The following BORA variants were observed in gnomAD, a reference collection of about 807,000 sequenced individuals.
BORA encodes the protein BORA aurora kinase A activator.
BORA carries 26 observed loss-of-function variants against 55.8 expected under a neutral mutation model. The observed-to-expected ratio is 0.47, with a 90% confidence interval of 0.34 to 0.65. The LOEUF (loss-of-function observed/expected upper bound fraction) is 0.65. BORA is among the 30% of genes least tolerant of loss of function. BORA has a pLI of 0.01. For missense variants in BORA, 568 were observed against 671.5 expected, an observed-to-expected ratio of 0.85 and a Z score of 1.70; for synonymous variants, 201 against 216.9, an observed-to-expected ratio of 0.93 and a Z score of 0.64.
chr13:72,735,102 C>A, intron 4 of BORA, 97 bp downstream of exon 4: 3 of 934,714 alleles, frequency 3.2e-6, no homozygotes, highest in Non-Finnish European at 5.1e-6. Flanking sequence ...CCTTCACTGT[C>A]CTATCTCCCC....
chr13:72,734,148 C>T (rs947016831), intron 3 of BORA, among the ~76,000 whole-genome samples: 2 of 152,022 alleles, frequency 1.3e-5, no homozygotes, highest in African/African-American at 4.8e-5. Flanking sequence ...ACCCCAGTGA[C>T]ACAAGTTACC....
intron 3 of BORA, 28 bp downstream of exon 3, chr13:72,731,415 CTA>C: frequency 7.1e-7 from 1 of 1,417,342 alleles, no homozygotes; most frequent in Non-Finnish European, 1.0e-6. Context: ...GCACCTAAGT[CTA>C]ATAACACTCT....
intron 10 of BORA, among the ~76,000 whole-genome samples, chr13:72,748,021 T>G (rs921899033): frequency 1.3e-5 from 2 of 152,240 alleles, no homozygotes; most frequent in Non-Finnish European, 1.5e-5. Context: ...TTCATTGTTG[T>G]GTTCTTTGAG....
chr13:72,747,202 A>G, intron 10 of BORA, 91 bp downstream of exon 10: 1 of 1,365,384 alleles, frequency 7.3e-7, no homozygotes, highest in African/African-American at 1.5e-5. Context: ...ATAATGGATT[A>G]AACATGAGGA....
chr13:72,752,876 TAAA>T (rs1474118207), intron 10 of BORA: 3 of 152,162 alleles, frequency 2.0e-5, no homozygotes, highest in African/African-American at 7.2e-5. Flanking sequence ...AGGGAGGGCT[TAAA>T]TGCAAAATGA....
chr13:72,743,092 G>GCA (rs1348430020), intron 5 of BORA, among the ~76,000 whole-genome samples: 1 of 152,070 alleles, frequency 6.6e-6, no homozygotes, highest in Non-Finnish European at 1.5e-5. Flanking sequence ...GTGATCTGTT[G>GCA]CACAGCCAGG....
At chr13:72,749,876 C>A (rs1020749274) in intron 10 of BORA, among the ~76,000 whole-genome samples, 7 of 152,152 alleles carry the variant, frequency 4.6e-5, no homozygotes, top group African/African-American at 1.7e-4. Flanking sequence ...CCAGGCCAGA[C>A]CTCATTATAT....
rs2033428454 is a variant in BORA at position 72,755,319 on chromosome 13, A to G, written c.*103A>G. The G allele has an allele frequency of 1.1e-6, 1 of 944,870 alleles. No homozygotes were observed. The allele number at this position is 944,870 out of a possible 1,614,324, so 58.5% of individuals were successfully genotyped here. On this transcript the variant is annotated 3_prime_UTR_variant, in exon 12 of 12. Transcript: ENST00000390667. ...GACTGGGAAAAAATTACTTCAAGTAACATGCTTAGCTTTCCCTCCTTAATG... is the reference window on the plus strand; with the variant it reads ...GACTGGGAAAAAATTACTTCAAGTAGCATGCTTAGCTTTCCCTCCTTAATG...
intron 10 of BORA, chr13:72,752,257 G>A (rs1367116170): frequency 6.6e-6 from 1 of 152,066 alleles, no homozygotes; most frequent in Non-Finnish European, 1.5e-5. Flanking sequence ...TTTAATTTTT[G>A]TCCCCTCATC....
At chr13:72,732,431 T>C (rs1252412071) in intron 3 of BORA, among the ~76,000 whole-genome samples, 1 of 152,094 alleles carries the variant, frequency 6.6e-6, no homozygotes, top group Non-Finnish European at 1.5e-5. Flanking sequence ...TCCCAGCATT[T>C]TGGGAGGCTG....
At chr13:72,751,782 T>C (rs778462143) in intron 10 of BORA, among the ~76,000 whole-genome samples, 22 of 152,264 alleles carry the variant, frequency 1.4e-4, no homozygotes, top group Non-Finnish European at 2.2e-4. Flanking sequence ...TTAATGGATA[T>C]GCTAATTACC....
Position 72,744,578 on chromosome 13 carries a change from T to C in BORA, c.511+17T>C. 6.4e-7 allele frequency: 1 copy of C among 1,558,824 alleles called. No homozygotes were observed. The highest frequency in any genetic ancestry group is 8.8e-7 in the Non-Finnish European group (1 of 1,136,692). ...ATATATTAGGTAAATACTGTATTTGTTTAAACTTTTAATAACTTGAACCAA... is the reference window on the plus strand; with the variant it reads ...ATATATTAGGTAAATACTGTATTTGCTTAAACTTTTAATAACTTGAACCAA... On this transcript the variant is annotated intron_variant, in intron 7 of 11. Coordinates refer to ENST00000390667, the MANE Select transcript of BORA (RefSeq NM_024808.5).
At chr13:72,728,050 A>C in intron 1 of BORA, 43 bp downstream of exon 1, 1 of 1,550,168 alleles carries the variant, frequency 6.5e-7, no homozygotes, top group Non-Finnish European at 8.7e-7. Context: ...CTCCTGTCTG[A>C]ATGGAGAGGT....
intron 1 of BORA, among the ~76,000 whole-genome samples, chr13:72,728,526 T>C (rs1376841733): frequency 1.3e-5 from 2 of 152,206 alleles, no homozygotes; most frequent in Non-Finnish European, 2.9e-5. Context: ...AGAATGTTCA[T>C]AGTGTTGAGA....
At chr13:72,728,415 G>C (rs1051917985) in intron 1 of BORA, among the ~76,000 whole-genome samples, 9 of 152,190 alleles carry the variant, frequency 5.9e-5, no homozygotes, top group Non-Finnish European at 4.4e-5. Context: ...ATACTTCTCT[G>C]GCTAGGACTC....
At position 72,756,178 on chromosome 13, in the gene BORA, T is replaced by TAATTCATATGTACCCTTAGGAAATA. The variant is rs1555273819; in HGVS notation, c.*964_*965insTTCATATGTACCCTTAGGAAATAAA. 2.7e-5 allele frequency: 10 copies of TAATTCATATGTACCCTTAGGAAATA among 365,622 alleles called. No homozygotes were observed. The highest frequency in any genetic ancestry group is 1.9e-4 in the African/African-American group (9 of 48,006). The allele number at this position is 365,622 out of a possible 1,614,324, so 22.6% of individuals were successfully genotyped here. A position where few individuals can be genotyped will look rare whatever the true frequency, so the allele number is the denominator to read the frequency against. On this transcript the variant is annotated 3_prime_UTR_variant, in exon 12 of 12. Coordinates refer to ENST00000390667, the MANE Select transcript of BORA (RefSeq NM_024808.5). Reference sequence around the variant, plus strand: ...AAAAACTGTCTCATTCAAAAGGGAATAAAGACCTGTGTTATCAATGTGTCA... The same window carrying TAATTCATATGTACCCTTAGGAAATA: ...AAAAACTGTCTCATTCAAAAGGGAATAATTCATATGTACCCTTAGGAAATAAAAGACCTGTGTTATCAATGTGTCA...
In BORA at chr13:72,729,064, C is replaced by T; in HGVS notation, c.124C>T (p.Pro42Ser). 6.3e-7 allele frequency: 1 copy of T among 1,579,594 alleles called. No individual in the cohort carries two copies. ...SNLHEQTLASPSVFKSTKLPT... is the reference protein window; with the variant it reads ...SNLHEQTLASSSVFKSTKLPT... ...TCTCCATGAACAAACTCTCGCCAGT[C>T]CTTCTGTTTTTAAATCAACAAAATT... Residue 42 changes from proline (P) to serine (S), a missense_variant, in exon 2 of 12, where the codon CCT becomes TCT. By Grantham distance (74) the Pro-to-Ser change is moderately conservative (BLOSUM62 -1). Transcript: ENST00000390667.
intron 4 of BORA, among the ~76,000 whole-genome samples, chr13:72,737,557 A>T (rs1014022429): frequency 2.0e-5 from 3 of 152,180 alleles, no homozygotes; most frequent in African/African-American, 4.8e-5. Context: ...AAAATTTAAT[A>T]ATCAGATCTT....
Position 72,745,068 on chromosome 13 carries a change from G to A in BORA, c.599G>A (p.Gly200Glu), listed in dbSNP as rs1236432063. 2 of 1,614,122 alleles carry A rather than the reference G, an allele frequency of 1.2e-6. No homozygotes were observed. The highest frequency in any genetic ancestry group is 1.7e-5 in the Admixed American group (1 of 60,016). Residue 200 changes from glycine (G) to glutamate (E), a missense_variant, in exon 8 of 12, where the codon GGG (glycine) becomes GAG (glutamate). Coordinates refer to ENST00000390667, the MANE Select transcript of BORA (RefSeq NM_024808.5). Reference protein sequence around the residue: ...SSLRRKLFLDGNGSISDSLPS... With the variant: ...SSLRRKLFLDENGSISDSLPS... ...CTCAGAAGAAAGCTGTTTTTAGATG[G>A]GAACGGAAGCATCTCCGACTCCTTA...
Sources: gnomAD v4.1 joint callset for allele counts (sites outside exome capture counted in the v4.1 genomes callset) on GRCh38, gnomAD v4.1.1 for gene constraint, MANE v1.5 for transcripts, NCBI Gene and HGNC (gene_info 2026-07-23, HGNC 2026-07-21) for gene names.